Variants in SP100 observed in about 807,000 individuals in gnomAD.
The protein encoded by SP100 is nuclear autoantigen Sp-100.
A neutral mutation model predicts 130.0 loss-of-function variants in SP100; 84 were observed. That is an observed-to-expected ratio of 0.65 (90% confidence interval 0.54 to 0.77). SP100 has a LOEUF of 0.77. SP100 is among the 30% of genes least tolerant of loss of function. The pLI, the probability that SP100 is intolerant of heterozygous loss-of-function variation, is 0.00. For missense variants in SP100, 978 were observed against 1,052.2 expected (o/e 0.93, Z 0.97); for synonymous variants, 331 against 351.7 (o/e 0.94, Z 0.66).
intron 24 of SP100, among the ~76,000 whole-genome samples, chr2:230,517,949 T>A (rs1296633711): frequency 6.6e-6 from 1 of 152,118 alleles, no homozygotes; most frequent in Non-Finnish European, 1.5e-5. Context: ...ACTTAGAATT[T>A]CCTTTTAATT....
At chr2:230,436,184 C>A (rs893702761) in intron 2 of SP100, among the ~76,000 whole-genome samples, 5 of 152,124 alleles carry the variant, frequency 3.3e-5, no homozygotes, top group Non-Finnish European at 7.4e-5. Context: ...TTTCTTCATA[C>A]AAGTCTCATA....
chr2:230,538,123 T>C (rs1452544231), intron 24 of SP100: 2 of 152,138 alleles, frequency 1.3e-5, no homozygotes, highest in Non-Finnish European at 2.9e-5. Context: ...TCAAAATCTC[T>C]GGTAATGGGG....
At chr2:230,490,087 T>C (rs1421739183) in intron 17 of SP100, among the ~76,000 whole-genome samples, 6 of 152,220 alleles carry the variant, frequency 3.9e-5, no homozygotes, top group African/African-American at 1.4e-4. Flanking sequence ...TCTGTCTCAT[T>C]GATCTGTCTA....
chr2:230,535,427 C>G (rs1330556124), intron 24 of SP100, among the ~76,000 whole-genome samples: 3 of 151,970 alleles, frequency 2.0e-5, no homozygotes, highest in Non-Finnish European at 4.4e-5. Context: ...AAATGGAGGC[C>G]AGAAATAATT....
intron 5 of SP100, among the ~76,000 whole-genome samples, chr2:230,447,549 A>G (rs2063762630): frequency 6.6e-6 from 1 of 152,332 alleles, no homozygotes; most frequent in Non-Finnish European, 1.5e-5. Flanking sequence ...ATTGGCTTTC[A>G]TACTTTCCTA....
At chr2:230,493,174 C>T (rs1171807806) in intron 17 of SP100, among the ~76,000 whole-genome samples, 4 of 152,060 alleles carry the variant, frequency 2.6e-5, no homozygotes, top group Non-Finnish European at 5.9e-5. Context: ...TCTTTGGGAA[C>T]TCCAATAATT....
At chr2:230,526,902 C>T (rs1239674126) in intron 24 of SP100, among the ~76,000 whole-genome samples, 2 of 152,142 alleles carry the variant, frequency 1.3e-5, no homozygotes, top group African/African-American at 4.8e-5. Flanking sequence ...ACGAACAAAG[C>T]CTCCAAGAAA....
intron 21 of SP100, 48 bp from the exon 22 acceptor site, chr2:230,506,252 AAGT>A: frequency 6.2e-7 from 1 of 1,603,570 alleles, no homozygotes; most frequent in Non-Finnish European, 8.5e-7. Context: ...GGGGGAGGCC[AAGT>A]TCAGGTGTTT....
intron 28 of SP100, 76 bp downstream of exon 28, chr2:230,542,111 G>A (rs1303775990): frequency 1.3e-6 from 2 of 1,483,354 alleles, no homozygotes; most frequent in African/African-American, 2.8e-5. Context: ...ATCTTTTCAT[G>A]TCAGGTAAAT....
chr2:230,482,945 A>T (rs1016491675), intron 17 of SP100, among the ~76,000 whole-genome samples: 1 of 152,156 alleles, frequency 6.6e-6, no homozygotes, highest in Non-Finnish European at 1.5e-5. Flanking sequence ...TTTTTATTGA[A>T]ATTGCATAGA....
At chr2:230,505,626 A>G (rs1690026536) in intron 21 of SP100, among the ~76,000 whole-genome samples, 1 of 152,262 alleles carries the variant, frequency 6.6e-6, no homozygotes, top group African/African-American at 2.4e-5. Flanking sequence ...GTTAAATTAC[A>G]GAACTAATGT....
chr2:230,416,938 G>T, intron 1 of SP100: 5 of 964,400 alleles, frequency 5.2e-6, no homozygotes, highest in Non-Finnish European at 6.2e-6. Flanking sequence ...CAAGATGGGG[G>T]ATACCTCTGA....
chr2:230,424,472 G>A (rs958876105), intron 2 of SP100, among the ~76,000 whole-genome samples: 1 of 152,116 alleles, frequency 6.6e-6, no homozygotes, highest in East Asian at 1.9e-4. Context: ...TTCAAGACCA[G>A]CCTGGCCAAC....
Position 230,441,353 on chromosome 2 carries a change from A to G in SP100, c.108-1584A>G, listed in dbSNP as rs926294695. Among the ~76,000 whole-genome samples the G allele has an allele frequency of 5.9e-5, 9 of 152,312 alleles. No homozygotes were observed. The South Asian group carries it at 6.2e-4, about 11-fold the overall frequency. On this transcript the variant is annotated intron_variant, in intron 2 of 28. Coordinates refer to ENST00000340126, the MANE Select transcript of SP100 (RefSeq NM_001080391.2). ...GTTTGGCAGGTTCTTAAATGGTTAA[A>G]TGTACTCTTACACAATGACCAAGCA...
chr2:230,490,121 T>A (rs925729199), intron 17 of SP100, among the ~76,000 whole-genome samples: 2 of 152,138 alleles, frequency 1.3e-5, no homozygotes, highest in Non-Finnish European at 2.9e-5. Context: ...GGTGTTAAAA[T>A]CTCCCACAAT....
At chr2:230,505,096 T>C (rs1689975849) in intron 21 of SP100, among the ~76,000 whole-genome samples, 1 of 152,172 alleles carries the variant, frequency 6.6e-6, no homozygotes, top group Non-Finnish European at 1.5e-5. Context: ...AATTCCTAAA[T>C]GCCAGTGGCC....
chr2:230,500,839 A>C (rs1054309491), intron 19 of SP100, among the ~76,000 whole-genome samples: 1 of 152,156 alleles, frequency 6.6e-6, no homozygotes, highest in Non-Finnish European at 1.5e-5. Flanking sequence ...GGTCTTTGAA[A>C]CTGATCGATC....
intron 22 of SP100, 74 bp downstream of exon 22, chr2:230,506,519 T>G: frequency 6.7e-7 from 1 of 1,487,202 alleles, no homozygotes; most frequent in Non-Finnish European, 9.2e-7. Context: ...TTAGCAGAAT[T>G]TCTCAGTGCC....
At chr2:230,422,625 A>G (rs2062799918) in intron 2 of SP100, among the ~76,000 whole-genome samples, 1 of 152,194 alleles carries the variant, frequency 6.6e-6, no homozygotes, top group Non-Finnish European at 1.5e-5. Context: ...ATGTTTGATT[A>G]TCTCTTATTT....
Sources: allele counts gnomAD v4.1 joint callset (sites outside exome capture counted in the v4.1 genomes callset), GRCh38; gene constraint gnomAD v4.1.1; transcripts MANE v1.5; gene names NCBI Gene and HGNC (gene_info 2026-07-23, HGNC 2026-07-21).